PREX1: variants seen among roughly 807,000 people sequenced by gnomAD.
PREX1 encodes phosphatidylinositol-3,4,5-trisphosphate dependent Rac exchange factor 1, also known as phosphatidylinositol 3,4,5-trisphosphate-dependent Rac exchanger 1 protein.
A neutral mutation model predicts 198.3 loss-of-function variants in PREX1; 41 were observed. The observed-to-expected ratio is 0.21, with a 90% CI of 0.16 to 0.27. The LOEUF is 0.27. Ranked by LOEUF, PREX1 falls within the 10% of genes least tolerant of loss-of-function variation. The pLI, the probability that PREX1 is intolerant of heterozygous loss-of-function variation, is 1.00. For missense variants in PREX1, 1,620 were observed against 2,200.7 expected (o/e 0.74, Z 5.28); for synonymous variants, 843 against 887.2 (o/e 0.95, Z 0.89).
chr20:48,818,407 C>T (rs1247419636), intron 1 of PREX1, among the ~76,000 whole-genome samples: 2 of 152,194 alleles, frequency 1.3e-5, no homozygotes, highest in African/African-American at 2.4e-5. Context: ...AGGGGCAGGT[C>T]TTGTGCGACA....
At position 48,652,649 on chromosome 20, in the gene PREX1, G is replaced by C. The variant is rs148057033; in HGVS notation, c.2404C>G (p.Gln802Glu). 3.5e-4 allele frequency: 562 copies of C among 1,613,738 alleles called. 1 individual carries two copies. The African/African-American group carries it at 5.1e-3, about 15-fold the overall frequency. Reference protein sequence around the residue: ...HEDAQEARASQEASTEDPSGE... With the variant: ...HEDAQEARASEEASTEDPSGE... Reference sequence around the variant, plus strand: ...CTGGGGTCCTCAGTGGAGGCCTCCTGACTGGCTCGTGCTTCCTGGGCATCC... The same window carrying C: ...CTGGGGTCCTCAGTGGAGGCCTCCTCACTGGCTCGTGCTTCCTGGGCATCC... The change falls in exon 21 of 40, where the codon CAG (glutamine) becomes GAG (glutamate). Residue 802 changes from glutamine to glutamate, a missense_variant. By Grantham distance (29) the Gln-to-Glu change is conservative. This residue lies in a region of PREX1 where 514 missense variants were observed against 611.6 expected (regional missense o/e 0.84). Coordinates refer to ENST00000371941, the MANE Select transcript of PREX1 (RefSeq NM_020820.4).
chr20:48,804,951 G>A (rs939200678), intron 1 of PREX1, among the ~76,000 whole-genome samples: 41 of 152,140 alleles, frequency 2.7e-4, no homozygotes, highest in African/African-American at 8.7e-4. Context: ...TGGAGATGTC[G>A]GGTCATCATC....
At chr20:48,775,635 G>A (rs2090257522) in intron 1 of PREX1, among the ~76,000 whole-genome samples, 1 of 152,130 alleles carries the variant, frequency 6.6e-6, no homozygotes, top group Non-Finnish European at 1.5e-5. Flanking sequence ...GGGATGCAAT[G>A]GGAGGTAATT....
intron 18 of PREX1, among the ~76,000 whole-genome samples, chr20:48,655,725 C>T (rs1029824120): frequency 6.6e-6 from 1 of 152,276 alleles, no homozygotes; most frequent in Non-Finnish European, 1.5e-5. Context: ...GTTTAACAAT[C>T]GCAGGTGGGA....
chr20:48,864,125 A>G, the PREX1 span, among the ~76,000 whole-genome samples: 1 of 152,212 alleles, frequency 6.6e-6, no homozygotes, highest in Non-Finnish European at 1.5e-5. Context: ...ACACATGATC[A>G]CTGCAGATTA....
rs6019435 is a variant in PREX1 at position 48,807,548 on chromosome 20, C to T, written c.219+20094G>A. ...TTAGAAACAAAACTGGAATAAACAT[C>T]TTTGTAACTTACATCTTTACCTACT... On this transcript the variant is annotated intron_variant, in intron 1 of 39. Transcript: ENST00000371941. Among the ~76,000 whole-genome samples the T allele has an allele frequency of 1.5e-3, 231 of 152,276 alleles. 3 individuals carry two copies. Among genetic ancestry groups the T allele is most frequent in the African/African-American group, 5.2e-3 (214 of 41,548 alleles).
chr20:48,745,151 T>G lies in PREX1; in HGVS notation c.292-4A>C, dbSNP rs1377013808. On this transcript the variant is annotated splice_region_variant and splice_polypyrimidine_tract_variant and intron_variant, in intron 2 of 39. Coordinates refer to ENST00000371941, the MANE Select transcript of PREX1 (RefSeq NM_020820.4). Reference sequence around the variant, plus strand: ...CTTCGATGTTCGAGAACAGGACCTGTGAGGAAAAGAGAGGCCAGAGGACAG... The same window carrying G: ...CTTCGATGTTCGAGAACAGGACCTGGGAGGAAAAGAGAGGCCAGAGGACAG... 1 of 1,612,928 alleles carries G rather than the reference T, an allele frequency of 6.2e-7. No individual in the cohort carries two copies. Among genetic ancestry groups the G allele is most frequent in the East Asian group, 2.2e-5 (1 of 44,846 alleles).
the PREX1 span, among the ~76,000 whole-genome samples, chr20:48,883,697 T>C: frequency 6.6e-6 from 1 of 152,120 alleles, no homozygotes; most frequent in Non-Finnish European, 1.5e-5. Context: ...ACAAAACTTA[T>C]GCTGTGAAGA....
chr20:48,665,431 C>T (rs2089631796), intron 15 of PREX1, among the ~76,000 whole-genome samples: 2 of 148,648 alleles, frequency 1.3e-5, no homozygotes, highest in African/African-American at 4.9e-5. Flanking sequence ...AATCCTGACT[C>T]CAGACGGCCT....
chr20:48,862,158 G>A, the PREX1 span, among the ~76,000 whole-genome samples: 50 of 152,176 alleles, frequency 3.3e-4, no homozygotes, highest in African/African-American at 1.1e-3. Context: ...CCAGTGAGCC[G>A]AGACTGCCCC....
rs777837545 is a variant in PREX1 at position 48,651,594 on chromosome 20, A to C, written c.2468-11T>G. 2.5e-6 allele frequency: 4 copies of C among 1,611,022 alleles called. No individual in the cohort carries two copies. In the African/African-American group the frequency reaches 4.0e-5, roughly 16 times the overall value. On this transcript the variant is annotated splice_polypyrimidine_tract_variant and intron_variant, in intron 21 of 39. Coordinates refer to ENST00000371941, the MANE Select transcript of PREX1 (RefSeq NM_020820.4). Reference sequence around the variant, plus strand: ...ACAGCAGTGGGAAGGCTGGAAGCCAAAAGAGGTGACATCTGAGCAGAGATC... The same window carrying C: ...ACAGCAGTGGGAAGGCTGGAAGCCACAAGAGGTGACATCTGAGCAGAGATC...
intron 1 of PREX1, among the ~76,000 whole-genome samples, chr20:48,759,252 T>C (rs1240494714): frequency 2.0e-5 from 3 of 151,970 alleles, no homozygotes; most frequent in Non-Finnish European, 2.9e-5. Flanking sequence ...GAGGCTGATA[T>C]GAAATACTGC....
intron 1 of PREX1, among the ~76,000 whole-genome samples, chr20:48,768,512 C>CGT (rs1285877387): frequency 6.6e-6 from 1 of 152,136 alleles, no homozygotes; most frequent in African/African-American, 2.4e-5. Context: ...AGCCGTCACT[C>CGT]GGCCGGGCCC....
chr20:48,687,126 T>C (rs762037737), intron 10 of PREX1, among the ~76,000 whole-genome samples: 3 of 152,222 alleles, frequency 2.0e-5, no homozygotes, highest in South Asian at 2.1e-4. Context: ...CAGGTTCCCC[T>C]GCACAGTTCA....
intron 18 of PREX1, among the ~76,000 whole-genome samples, chr20:48,656,756 A>G (rs528338170): frequency 1.3e-5 from 2 of 152,048 alleles, no homozygotes; most frequent in African/African-American, 4.8e-5. Context: ...GTATCTGCAC[A>G]TTGTCTGTCT....
the PREX1 span, among the ~76,000 whole-genome samples, chr20:48,851,573 C>T: frequency 6.6e-5 from 10 of 152,146 alleles, no homozygotes; most frequent in South Asian, 2.1e-3. Flanking sequence ...AAAACTACCA[C>T]TGTCTTTCTC....
the PREX1 span, among the ~76,000 whole-genome samples, chr20:48,880,780 T>C: frequency 5.3e-5 from 8 of 152,032 alleles, no homozygotes; most frequent in African/African-American, 1.2e-4. Context: ...GGATAATACA[T>C]AGGCCACTAG....
intron 10 of PREX1, 73 bp from the exon 11 acceptor site, chr20:48,681,408 C>G: frequency 1.4e-6 from 2 of 1,426,046 alleles, no homozygotes; most frequent in Non-Finnish European, 9.9e-7. Flanking sequence ...ACTAAGCTGG[C>G]CTGGCCACAT....
upstream of PREX1, among the ~76,000 whole-genome samples, chr20:48,828,542 G>A (rs1265067244): frequency 6.7e-6 from 1 of 150,116 alleles, no homozygotes; most frequent in Admixed American, 6.8e-5. Flanking sequence ...GGCAGTGACG[G>A]CCCCTCTCTG....
Sources: gnomAD v4.1 joint callset for allele counts (sites outside exome capture counted in the v4.1 genomes callset) on GRCh38, gnomAD v4.1.1 for gene constraint, gnomAD v4.1.1 regional missense constraint, MANE v1.5 for transcripts, NCBI Gene and HGNC (gene_info 2026-07-23, HGNC 2026-07-21) for gene names.